Variants in KCNH1 observed in about 807,000 individuals in gnomAD.
The protein encoded by KCNH1 is voltage-gated delayed rectifier potassium channel KCNH1.
In KCNH1, 27 loss-of-function variants were observed where a neutral mutation model predicts 69.2. The ratio of observed to expected loss-of-function variants is 0.39; its 90% confidence interval spans 0.29 to 0.54. The LOEUF (loss-of-function observed/expected upper bound fraction) is 0.54, where lower values mean the gene tolerates loss of function less well. Among genes scored for constraint, KCNH1 ranks in the 20% least tolerant of loss-of-function variants. The pLI is 0.68. For missense variants in KCNH1, 798 were observed against 1,261.6 expected (o/e 0.63, Z 5.57); for synonymous variants, 456 against 487.7 (o/e 0.93, Z 0.86).
chr1:210,762,671 A>G (rs1011349187), intron 10 of KCNH1, among the ~76,000 whole-genome samples: 5 of 152,176 alleles, frequency 3.3e-5, no homozygotes, highest in African/African-American at 1.2e-4. Context: ...GGATTGAATC[A>G]GGAAGAAAAA....
intron 10 of KCNH1, among the ~76,000 whole-genome samples, chr1:210,759,145 T>C (rs537475189): frequency 2.4e-4 from 24 of 101,066 alleles, no homozygotes; most frequent in Admixed American, 4.2e-4. Context: ...TCCAAACCTA[T>C]CCAAATGATA....
intron 7 of KCNH1, among the ~76,000 whole-genome samples, chr1:210,855,840 A>G (rs1275562242): frequency 6.6e-6 from 1 of 152,142 alleles, no homozygotes; most frequent in Non-Finnish European, 1.5e-5. Flanking sequence ...GATTCATTCC[A>G]CCTGCAAGTA....
At chr1:210,762,990 C>T (rs1444339150) in intron 10 of KCNH1, among the ~76,000 whole-genome samples, 5 of 152,136 alleles carry the variant, frequency 3.3e-5, no homozygotes, top group Non-Finnish European at 5.9e-5. Flanking sequence ...TACTAGGAAA[C>T]TAAATCCAGC....
At chr1:210,865,487 T>C (rs1003322386) in intron 7 of KCNH1, among the ~76,000 whole-genome samples, 5 of 152,174 alleles carry the variant, frequency 3.3e-5, no homozygotes, top group Non-Finnish European at 7.3e-5. Context: ...TAAATGATCT[T>C]GGTTCTAGGG....
At chr1:211,035,992 G>T (rs748920193) in intron 5 of KCNH1, among the ~76,000 whole-genome samples, 11 of 152,212 alleles carry the variant, frequency 7.2e-5, no homozygotes, top group Admixed American at 1.3e-4. Context: ...CAGGCGCTTG[G>T]TCTAGGTTCC....
chr1:210,693,505 G>T (rs1681569003), intron 10 of KCNH1, among the ~76,000 whole-genome samples: 1 of 152,200 alleles, frequency 6.6e-6, no homozygotes, highest in Admixed American at 6.5e-5. Context: ...GCTAATCACA[G>T]ATATGGAGGG....
At chr1:210,894,422 T>A (rs1190642339) in intron 7 of KCNH1, among the ~76,000 whole-genome samples, 3 of 152,208 alleles carry the variant, frequency 2.0e-5, no homozygotes, top group Non-Finnish European at 4.4e-5. Flanking sequence ...CACCAGTCAC[T>A]GTTTTTTAAT....
At chr1:210,879,755 T>C (rs1007260795) in intron 7 of KCNH1, among the ~76,000 whole-genome samples, 6 of 152,034 alleles carry the variant, frequency 3.9e-5, no homozygotes, top group African/African-American at 1.4e-4. Flanking sequence ...TCCTAGCTAA[T>C]GCAATAAGAT....
intron 6 of KCNH1, among the ~76,000 whole-genome samples, chr1:211,015,751 G>A (rs1392821254): frequency 6.6e-6 from 1 of 152,184 alleles, no homozygotes; most frequent in East Asian, 1.9e-4. Flanking sequence ...ATCCAGAAAG[G>A]CTAAATGATA....
At chr1:211,057,452 A>G (rs1690331964) in intron 5 of KCNH1, among the ~76,000 whole-genome samples, 1 of 152,078 alleles carries the variant, frequency 6.6e-6, no homozygotes, top group Non-Finnish European at 1.5e-5. Context: ...CCTGGGCAAC[A>G]TGCAAAACCC....
chr1:210,712,039 C>T (rs1682089115), intron 10 of KCNH1, among the ~76,000 whole-genome samples: 1 of 152,332 alleles, frequency 6.6e-6, no homozygotes, highest in South Asian at 2.1e-4. Flanking sequence ...ACCCACAGGG[C>T]CCATTCCTGA....
At chr1:210,861,829 T>C in intron 7 of KCNH1, 1 of 758,664 alleles carries the variant, frequency 1.3e-6, no homozygotes, top group South Asian at 1.4e-5. Context: ...TTTCACAAGC[T>C]GATAAAGGCA....
intron 5 of KCNH1, among the ~76,000 whole-genome samples, chr1:211,059,081 C>T (rs752192963): frequency 1.3e-5 from 2 of 151,758 alleles, no homozygotes; most frequent in Non-Finnish European, 2.9e-5. Context: ...GAGTTCAAGA[C>T]CATCCTGGCT....
Position 211,094,515 on chromosome 1 carries a change from T to C in KCNH1, c.311-3825A>G, listed in dbSNP as rs138387227. ...GCTTAACAGCTAACGACTGTTTCTT[T>C]AAATAGATCATAATACACTCCAAGG... is the stretch of plus-strand genomic sequence containing the variant. On this transcript the variant is annotated intron_variant, in intron 3 of 10. Transcript: ENST00000271751. Among the ~76,000 whole-genome samples, 279 of 152,344 alleles carry C rather than the reference T, an allele frequency of 1.8e-3. 8 individuals carry two copies. The highest frequency in any genetic ancestry group is 0.014 in the Admixed American group (214 of 15,308).
At chr1:211,116,677 C>T (rs937392109) in intron 1 of KCNH1, among the ~76,000 whole-genome samples, 1 of 152,196 alleles carries the variant, frequency 6.6e-6, no homozygotes, top group African/African-American at 2.4e-5. Context: ...GTCTGTCATA[C>T]TTGCCTATGC....
At chr1:210,806,855 A>ATAT (rs1553346606) in intron 7 of KCNH1, among the ~76,000 whole-genome samples, 3 of 127,350 alleles carry the variant, frequency 2.4e-5, no homozygotes, top group Non-Finnish European at 3.2e-5. Context: ...ATATATATAT[A>ATAT]AATTTGCCGG....
chr1:211,002,145 T>C (rs906330999), intron 6 of KCNH1, among the ~76,000 whole-genome samples: 3 of 151,604 alleles, frequency 2.0e-5, no homozygotes, highest in African/African-American at 4.8e-5. Flanking sequence ...CATGTACACA[T>C]ATGTAACAAA....
At chr1:210,917,207 CAG>C (rs140438633) in intron 7 of KCNH1, among the ~76,000 whole-genome samples, 2,056 of 108,690 alleles carry the variant, frequency 0.019, 55 homozygotes, top group African/African-American at 0.035. Flanking sequence ...AAGAAAGGGA[CAG>C]AGAGAGAGAG....
chr1:210,910,297 C>CAAA (rs1687204257), intron 7 of KCNH1, among the ~76,000 whole-genome samples: 5 of 97,970 alleles, frequency 5.1e-5, no homozygotes, highest in South Asian at 6.1e-4. Context: ...AAAAAAAAAT[C>CAAA]ATCAAATTGG....
Sources: gnomAD v4.1 joint callset for allele counts (sites outside exome capture counted in the v4.1 genomes callset) on GRCh38, gnomAD v4.1.1 for gene constraint, MANE v1.5 for transcripts, NCBI Gene and HGNC (gene_info 2026-07-23, HGNC 2026-07-21) for gene names.